ARHGEF7: variants seen among roughly 807,000 people sequenced by gnomAD.
ARHGEF7 encodes PAK-interacting exchange factor beta.
Under a neutral mutation model 109.8 loss-of-function variants are expected in ARHGEF7, and 33 were observed. That is an observed-to-expected ratio of 0.30 (90% CI 0.23 to 0.40). ARHGEF7 has a LOEUF of 0.40. ARHGEF7 is among the 10% of genes least tolerant of loss of function. ARHGEF7 has a pLI of 1.00. For synonymous variants in ARHGEF7, 458 were observed against 424.6 expected (o/e 1.08, Z -0.97); for missense variants, 938 against 1,098.5 (o/e 0.85, Z 2.07).
At chr13:111,286,821 G>A (rs1004227438) in intron 17 of ARHGEF7, among the ~76,000 whole-genome samples, 2 of 152,210 alleles carry the variant, frequency 1.3e-5, no homozygotes, top group African/African-American at 2.4e-5. Context: ...TCAGAAGTAA[G>A]TGATTTTCCT....
chr13:111,210,526 C>T lies in ARHGEF7; in HGVS notation c.468+524C>T, dbSNP rs149444573. 9.0e-4 allele frequency among the ~76,000 whole-genome samples: 137 copies of T among 152,242 alleles called. 2 individuals carry two copies. In the East Asian group the frequency reaches 0.021, roughly 24 times the overall value. ...ACGCAGAGAAAGAAACTTAGATGAT[C>T]GAACAGTTGTCGTGGAGAGTGAAAA... On this transcript the variant is annotated intron_variant, in intron 4 of 21. Transcript: ENST00000646102.
At chr13:111,133,763 T>TCATA (rs1299591434) in intron 1 of ARHGEF7, among the ~76,000 whole-genome samples, 4 of 7,384 alleles carry the variant, frequency 5.4e-4, no homozygotes, top group Admixed American at 1.8e-3. Context: ...CTGCTTTTCT[T>TCATA]TATATATATA....
At chr13:111,238,332 G>A (rs2087129141) in intron 6 of ARHGEF7, among the ~76,000 whole-genome samples, 1 of 152,224 alleles carries the variant, frequency 6.6e-6, no homozygotes, top group African/African-American at 2.4e-5. Flanking sequence ...TGTAAAATGA[G>A]ATTGGTAATG....
chr13:111,206,960 TAA>T (rs35814705), intron 3 of ARHGEF7, among the ~76,000 whole-genome samples: 2 of 53,740 alleles, frequency 3.7e-5, no homozygotes, highest in African/African-American at 1.3e-4. Context: ...AGACTCCATC[TAA>T]AAAAAAAAAA....
intron 15 of ARHGEF7, chr13:111,282,738 G>C (rs1299063509): frequency 1.3e-5 from 3 of 228,826 alleles, no homozygotes; most frequent in Non-Finnish European, 2.5e-5. Context: ...TACGTGGCTG[G>C]GGGGGAATCA....
intron 8 of ARHGEF7, among the ~76,000 whole-genome samples, chr13:111,246,635 G>A (rs915216180): frequency 3.3e-5 from 5 of 152,164 alleles, no homozygotes; most frequent in Non-Finnish European, 7.4e-5. Flanking sequence ...TACTTTTATA[G>A]CATTTTTGGT....
At chr13:111,183,394 TA>T (rs2078953004) in intron 2 of ARHGEF7, among the ~76,000 whole-genome samples, 1 of 152,126 alleles carries the variant, frequency 6.6e-6, no homozygotes, top group South Asian at 2.1e-4. Flanking sequence ...GTTATAAGCT[TA>T]TTTTTTTCTA....
intron 1 of ARHGEF7, among the ~76,000 whole-genome samples, chr13:111,152,557 C>T (rs1055142083): frequency 1.3e-5 from 2 of 152,148 alleles, no homozygotes; most frequent in African/African-American, 4.8e-5. Flanking sequence ...TTGCTGAACA[C>T]TTGGTTTTGA....
intron 15 of ARHGEF7, chr13:111,282,921 G>A (rs2092846781): frequency 6.0e-6 from 4 of 670,008 alleles, no homozygotes; most frequent in African/African-American, 3.6e-5. Context: ...TGGGGCAGAC[G>A]CCGTGAGGAG....
intron 1 of ARHGEF7, among the ~76,000 whole-genome samples, chr13:111,126,266 G>A (rs916852753): frequency 2.6e-5 from 4 of 152,186 alleles, no homozygotes; most frequent in Admixed American, 1.3e-4. Context: ...CGAGGTAGGC[G>A]GATCACCTGA....
intron 2 of ARHGEF7, among the ~76,000 whole-genome samples, chr13:111,154,226 A>G (rs2076116555): frequency 6.6e-6 from 1 of 152,220 alleles, no homozygotes; most frequent in Non-Finnish European, 1.5e-5. Flanking sequence ...GTGGAACCCC[A>G]GACATTGCTC....
At chr13:111,183,933 G>C (rs2078997441) in intron 2 of ARHGEF7, among the ~76,000 whole-genome samples, 1 of 152,100 alleles carries the variant, frequency 6.6e-6, no homozygotes, top group Non-Finnish European at 1.5e-5. Context: ...ACTTGCTTAT[G>C]GCCGGGTGCG....
intron 19 of ARHGEF7, among the ~76,000 whole-genome samples, chr13:111,299,388 G>A (rs2093506248): frequency 6.9e-6 from 1 of 145,562 alleles, no homozygotes; most frequent in Non-Finnish European, 1.5e-5. Flanking sequence ...TGTCGCCCAG[G>A]CTGGAGTGCA....
At chr13:111,152,441 C>T (rs934259237) in intron 1 of ARHGEF7, among the ~76,000 whole-genome samples, 3 of 152,160 alleles carry the variant, frequency 2.0e-5, no homozygotes, top group African/African-American at 7.2e-5. Context: ...TTGCTTTTGC[C>T]ATTCCACTGA....
At chr13:111,130,926 T>C (rs2074711956) in intron 1 of ARHGEF7, among the ~76,000 whole-genome samples, 1 of 152,126 alleles carries the variant, frequency 6.6e-6, no homozygotes, top group Non-Finnish European at 1.5e-5. Context: ...CCTGCTTTGC[T>C]GGGAGTGGCG....
chr13:111,226,311 G>T (rs2085203930), intron 5 of ARHGEF7, among the ~76,000 whole-genome samples: 1 of 152,232 alleles, frequency 6.6e-6, no homozygotes, highest in Non-Finnish European at 1.5e-5. Context: ...AGCACGTGCT[G>T]ACGGAGAAGC....
Position 111,217,886 on chromosome 13 carries a change from T to G in ARHGEF7, c.670+6T>G, listed in dbSNP as rs751435250. ...GCGCGAGGTCAAGGCCAGCGGTAAG[T>G]GGCCGAGCCTGGGCTGTGTGTGGCT... On this transcript the variant is annotated splice_donor_region_variant and intron_variant, in intron 5 of 21. Coordinates refer to ENST00000646102, the MANE Select transcript of ARHGEF7 (RefSeq NM_001354046.2). 8.1e-6 allele frequency: 13 copies of G among 1,607,388 alleles called. No homozygotes were observed. The highest frequency in any genetic ancestry group is 1.0e-5 in the Non-Finnish European group (12 of 1,175,138).
At chr13:111,124,460 C>G (rs1766072694) in intron 1 of ARHGEF7, among the ~76,000 whole-genome samples, 2 of 152,262 alleles carry the variant, frequency 1.3e-5, no homozygotes, top group Non-Finnish European at 2.9e-5. Flanking sequence ...TCCATCCTCA[C>G]CTTGGCTCCT....
intron 6 of ARHGEF7, among the ~76,000 whole-genome samples, chr13:111,243,234 T>C (rs2088130243): frequency 6.6e-6 from 1 of 152,204 alleles, no homozygotes; most frequent in Non-Finnish European, 1.5e-5. Flanking sequence ...AAACTGTTTT[T>C]TTAGTTGAGA....
Sources: allele counts gnomAD v4.1 joint callset (sites outside exome capture counted in the v4.1 genomes callset), GRCh38; gene constraint gnomAD v4.1.1; transcripts MANE v1.5; gene names NCBI Gene and HGNC (gene_info 2026-07-23, HGNC 2026-07-21).